NVL: variants seen among roughly 807,000 people sequenced by gnomAD.
NVL encodes the protein nuclear VCP like.
In NVL, 84 loss-of-function variants were observed where a neutral mutation model predicts 110.2. That is an observed-to-expected ratio of 0.76 (90% CI 0.64 to 0.91). The LOEUF (loss-of-function observed/expected upper bound fraction) is 0.91. Ranked by LOEUF, NVL falls within the 40% of genes least tolerant of loss-of-function variation. The pLI, the probability that NVL is intolerant of heterozygous loss-of-function variation, is 0.00. For missense variants in NVL, 882 were observed against 1,035.9 expected (o/e 0.85, Z 2.04); for synonymous variants, 354 against 361.1 (o/e 0.98, Z 0.22).
intron 2 of NVL, among the ~76,000 whole-genome samples, chr1:224,321,984 G>T (rs1216762124): frequency 6.6e-6 from 1 of 152,146 alleles, no homozygotes; most frequent in Non-Finnish European, 1.5e-5. Context: ...CTGAGTAACA[G>T]TCATACCACC....
At chr1:224,291,064 G>T (rs575287892) in intron 12 of NVL, among the ~76,000 whole-genome samples, 41 of 152,304 alleles carry the variant, frequency 2.7e-4, no homozygotes, top group Middle Eastern at 3.4e-3. Context: ...ATCTGGGCCA[G>T]TTACTTAATC....
rs1664016393 is a variant in NVL at position 224,261,795 on chromosome 1, G to GC, written c.2182+6238_2182+6239insG. 2.8e-5 allele frequency among the ~76,000 whole-genome samples: 4 copies of GC among 143,254 alleles called. No homozygotes were observed. The South Asian group carries it at 9.0e-4, about 32-fold the overall frequency. The allele number at this position is 143,254 out of a possible 152,430, so 94.0% of individuals were successfully genotyped here. Reference sequence around the variant, plus strand: ...AGTGAGACGTCATCTCTACAAAAAAGTTTTTTTTTTTTTTAATTAGCTGGG... The same window carrying GC: ...AGTGAGACGTCATCTCTACAAAAAAGCTTTTTTTTTTTTTTAATTAGCTGGG... On this transcript the variant is annotated intron_variant, in intron 18 of 22. Coordinates refer to ENST00000281701, the MANE Select transcript of NVL (RefSeq NM_002533.4).
chr1:224,290,801 CAAA>C (rs773190032), intron 12 of NVL, among the ~76,000 whole-genome samples: 7 of 78,634 alleles, frequency 8.9e-5, no homozygotes, highest in Admixed American at 1.5e-4. Flanking sequence ...GACTCTGTCT[CAAA>C]AAAAAAAAAA....
intron 18 of NVL, among the ~76,000 whole-genome samples, chr1:224,263,088 GA>G (rs369577643): frequency 6.6e-6 from 1 of 152,112 alleles, no homozygotes; most frequent in African/African-American, 2.4e-5. Context: ...AAATATGAAG[GA>G]AAAAAATAGC....
chr1:224,261,111 T>C (rs1310853226), intron 18 of NVL, among the ~76,000 whole-genome samples: 1 of 152,084 alleles, frequency 6.6e-6, no homozygotes, highest in Non-Finnish European at 1.5e-5. Flanking sequence ...CCTGACCTCA[T>C]GATCTGCCCG....
At chr1:224,230,891 T>A (rs10916533) in intron 22 of NVL, among the ~76,000 whole-genome samples, 21,188 of 152,058 alleles carry the variant, frequency 0.14, 1,798 homozygotes, top group East Asian at 0.36. Flanking sequence ...CCCAGCACTT[T>A]GGGAGGCAGA....
At chr1:224,280,697 C>T (rs1418646130) in intron 16 of NVL, among the ~76,000 whole-genome samples, 1 of 152,006 alleles carries the variant, frequency 6.6e-6, no homozygotes, top group Non-Finnish European at 1.5e-5. Flanking sequence ...CAGAGAGGGA[C>T]AAAAAATAAA....
At chr1:224,246,700 T>C (rs931672514) in intron 19 of NVL, among the ~76,000 whole-genome samples, 8 of 152,138 alleles carry the variant, frequency 5.3e-5, no homozygotes, top group East Asian at 1.9e-4. Flanking sequence ...CCACATACAT[T>C]GACCAAAGCA....
At chr1:224,283,503 A>C (rs566877406) in intron 15 of NVL, among the ~76,000 whole-genome samples, 2 of 152,118 alleles carry the variant, frequency 1.3e-5, no homozygotes, top group Admixed American at 1.3e-4. Context: ...AAAGAAAGAA[A>C]GAAAGAAATC....
At chr1:224,259,485 AT>A (rs1263447171) in intron 18 of NVL, among the ~76,000 whole-genome samples, 1 of 152,192 alleles carries the variant, frequency 6.6e-6, no homozygotes. Flanking sequence ...AAATGGGTAA[AT>A]TTTACGATAT....
chr1:224,288,575 G>C (rs1229026574), intron 13 of NVL, among the ~76,000 whole-genome samples: 3 of 152,116 alleles, frequency 2.0e-5, no homozygotes, highest in African/African-American at 7.2e-5. Context: ...TAAAAGGAAT[G>C]AGTTTGTTAT....
chr1:224,303,103 A>G (rs1335987858), intron 9 of NVL: 3 of 172,852 alleles, frequency 1.7e-5, no homozygotes, highest in African/African-American at 7.2e-5. Flanking sequence ...AAGTAACTAA[A>G]ATGTAAGCTA....
rs187014917 is a variant in NVL, at chr1:224,323,037, T to C, written c.131+3354A>G. 1.9e-3 allele frequency among the ~76,000 whole-genome samples: 284 copies of C among 152,126 alleles called. 2 individuals carry two copies. Among genetic ancestry groups the C allele is most frequent in the African/African-American group, 6.6e-3 (272 of 41,500 alleles). On this transcript the variant is annotated intron_variant, in intron 2 of 22. Coordinates refer to ENST00000281701, the MANE Select transcript of NVL (RefSeq NM_002533.4). ...GCTGTACAGGAAGGTTCTATAGTTATATACACACAGAGAGAGAATGCTATT... is the reference window on the plus strand; with the variant it reads ...GCTGTACAGGAAGGTTCTATAGTTACATACACACAGAGAGAGAATGCTATT...
chr1:224,261,978 A>T (rs965832884), intron 18 of NVL, among the ~76,000 whole-genome samples: 2 of 152,088 alleles, frequency 1.3e-5, no homozygotes, highest in Non-Finnish European at 2.9e-5. Context: ...CAAATAAATA[A>T]ATTAAATAAA....
At position 224,327,268 on chromosome 1, in the gene NVL, T is replaced by C. The variant is rs559235364; in HGVS notation, c.58-804A>G. ...GACCAGCCTGGGCAAGGTGGTAAGATCTCATCTCTACAAAAAATTTTAAAA... is the reference window on the plus strand; with the variant it reads ...GACCAGCCTGGGCAAGGTGGTAAGACCTCATCTCTACAAAAAATTTTAAAA... On this transcript the variant is annotated intron_variant, in intron 1 of 22. Coordinates refer to ENST00000281701, the MANE Select transcript of NVL (RefSeq NM_002533.4). Among the ~76,000 whole-genome samples, 97 of 152,022 alleles carry C rather than the reference T, an allele frequency of 6.4e-4. 1 individual carries two copies. In the South Asian group the frequency reaches 0.019, roughly 30 times the overall value.
chr1:224,229,265 C>T (rs1165096714), intron 22 of NVL, among the ~76,000 whole-genome samples: 1 of 151,262 alleles, frequency 6.6e-6, no homozygotes, highest in Non-Finnish European at 1.5e-5. Context: ...CATTGCATTC[C>T]AGCCTGGGCA....
At chr1:224,240,973 G>C (rs1661132267) in intron 19 of NVL, among the ~76,000 whole-genome samples, 1 of 151,526 alleles carries the variant, frequency 6.6e-6, no homozygotes, top group African/African-American at 2.4e-5. Flanking sequence ...TGTATGTTTA[G>C]TAGAGATGGG....
chr1:224,263,151 C>T (rs1475815094), intron 18 of NVL, among the ~76,000 whole-genome samples: 1 of 152,182 alleles, frequency 6.6e-6, no homozygotes, highest in Non-Finnish European at 1.5e-5. Context: ...GAGAAAACTA[C>T]AGTTTTTGTT....
At chr1:224,230,660 GA>G (rs1484885515) in intron 22 of NVL, among the ~76,000 whole-genome samples, 3 of 152,038 alleles carry the variant, frequency 2.0e-5, no homozygotes, top group Non-Finnish European at 4.4e-5. Context: ...TTCTCTTTCT[GA>G]ATAAAGTTGT....
Sources: allele counts gnomAD v4.1 joint callset (sites outside exome capture counted in the v4.1 genomes callset), GRCh38; gene constraint gnomAD v4.1.1; transcripts MANE v1.5; gene names NCBI Gene and HGNC (gene_info 2026-07-23, HGNC 2026-07-21).